Variants in NOD2 observed in about 807,000 individuals in gnomAD.
NOD2 encodes the protein nucleotide-binding oligomerization domain-containing protein 2.
In NOD2, 86 loss-of-function variants were observed where a neutral mutation model predicts 90.9. That is an observed-to-expected ratio of 0.95 (90% CI 0.79 to 1.13). The LOEUF (loss-of-function observed/expected upper bound fraction) is 1.13, where lower values mean the gene tolerates loss of function less well. NOD2 is among the 50% of genes most tolerant of loss of function. The probability of loss-of-function intolerance (pLI) is 0.00; values close to 1 mark genes in which losing one functional copy is unlikely to be tolerated. For missense variants in NOD2, 1,238 were observed against 1,283.8 expected (o/e 0.96, Z 0.55); for synonymous variants, 581 against 554.6 (o/e 1.05, Z -0.67).
chr16:50,702,872 T>C (rs1964004091), intron 2 of NOD2, among the ~76,000 whole-genome samples: 1 of 152,166 alleles, frequency 6.6e-6, no homozygotes, highest in Non-Finnish European at 1.5e-5. Flanking sequence ...CTGTCTGTCA[T>C]AAAATGTGGG....
intron 2 of NOD2, among the ~76,000 whole-genome samples, chr16:50,707,004 T>C (rs1336702769): frequency 6.6e-6 from 1 of 152,240 alleles, no homozygotes; most frequent in Non-Finnish European, 1.5e-5. Flanking sequence ...AGCCATATCT[T>C]GCTATTTTCT....
chr16:50,711,578 GGGGCCT>G lies in NOD2; in HGVS notation c.1591_1596del (p.Leu531_Gly532del), dbSNP rs104895436. ...CTGCACCTGGGCAGACTGGCTCTGT[GGGGCCT>G]GGGCATGTGCTGCTACGTGTTCTCA... On this transcript the variant is annotated inframe_deletion, in exon 4 of 12. Coordinates refer to ENST00000647318, the MANE Select transcript of NOD2 (RefSeq NM_001370466.1). The G allele has an allele frequency of 9.3e-6, 15 of 1,611,874 alleles. No individual in the cohort carries two copies. The highest frequency in any genetic ancestry group is 3.3e-5 in the South Asian group (3 of 91,084).
At chr16:50,716,484 T>C in intron 4 of NOD2, 103 bp from the exon 5 acceptor site, 2 of 1,131,456 alleles carry the variant, frequency 1.8e-6, no homozygotes, top group Admixed American at 2.0e-5. Context: ...GAAGCACAGA[T>C]GCTGGCACTT....
chr16:50,728,027 C>A, intron 10 of NOD2: 1 of 251,956 alleles, frequency 4.0e-6, no homozygotes, highest in South Asian at 4.7e-5. Flanking sequence ...AGAAATGGTT[C>A]GCTGTTGTTG....
chr16:50,708,019 T>G, intron 3 of NOD2, 59 bp downstream of exon 3: 1 of 1,185,024 alleles, frequency 8.4e-7, no homozygotes, highest in Non-Finnish European at 1.3e-6. Flanking sequence ...GATCCATGGT[T>G]AAGAGCAGAA....
intron 2 of NOD2, among the ~76,000 whole-genome samples, chr16:50,701,077 TA>T (rs1181617552): frequency 6.6e-6 from 1 of 152,238 alleles, no homozygotes; most frequent in African/African-American, 2.4e-5. Flanking sequence ...CCAAGGAAAG[TA>T]GTTTGAATAA....
At chr16:50,705,118 T>A (rs1225759759) in intron 2 of NOD2, among the ~76,000 whole-genome samples, 2 of 152,234 alleles carry the variant, frequency 1.3e-5, no homozygotes, top group African/African-American at 4.8e-5. Context: ...TTTGCTCTAC[T>A]TTTCTATGAT....
chr16:50,720,052 G>A, intron 7 of NOD2, 44 bp downstream of exon 7: 1 of 1,560,556 alleles, frequency 6.4e-7, no homozygotes, highest in Non-Finnish European at 8.8e-7. Context: ...GAGGGGCTTG[G>A]GACTTTTGAG....
intron 1 of NOD2, among the ~76,000 whole-genome samples, chr16:50,695,787 G>C (rs1004398596): frequency 1.1e-4 from 17 of 152,124 alleles, no homozygotes; most frequent in Non-Finnish European, 2.2e-4. Flanking sequence ...GAGCAAGCAG[G>C]CTGAGGGCTG....
rs1330190409 is a variant in NOD2, at chr16:50,729,667, A to C, written c.2886-151A>C. On this transcript the variant is annotated intron_variant, in intron 10 of 11. Transcript: ENST00000647318. ...TGATGGTACTGAGCCTTTGTTGATG[A>C]GCTCATTGGGAATCTCAGACATGAG... 3 of 655,948 alleles carry C rather than the reference A, an allele frequency of 4.6e-6. No individual in the cohort carries two copies. In the African/African-American group the frequency reaches 5.4e-5, roughly 12 times the overall value. The allele number at this position is 655,948 out of a possible 1,614,324, so 40.6% of individuals were successfully genotyped here.
At chr16:50,698,761 G>C (rs1255135410) in intron 1 of NOD2, among the ~76,000 whole-genome samples, 2 of 152,140 alleles carry the variant, frequency 1.3e-5, no homozygotes, top group Non-Finnish European at 2.9e-5. Context: ...AATTCCTGCA[G>C]GAGAGCACTT....
intron 1 of NOD2, chr16:50,697,429 G>A (rs1462629556): frequency 9.5e-7 from 1 of 1,056,294 alleles, no homozygotes; most frequent in Non-Finnish European, 1.4e-6. Context: ...CTCTGTTTCT[G>A]GGCTGTTTTC....
In NOD2 at chr16:50,699,950, A is replaced by T; in HGVS notation, c.455A>T (p.Gln152Leu). 1 of 1,604,080 alleles carries T rather than the reference A, an allele frequency of 6.2e-7. No homozygotes were observed. Among genetic ancestry groups the T allele is most frequent in the Non-Finnish European group, 8.5e-7 (1 of 1,178,948 alleles). Residue 152 changes from glutamine (Q) to leucine (L), a missense_variant, in exon 2 of 12, where the codon CAG (glutamine) becomes CTG (leucine). Around this residue, in one of 3 missense-constraint regions of NOD2, gnomAD observed 567 missense variants for 577.3 expected, o/e 0.98. Transcript: ENST00000647318. ...EIRLPIFTPS[Q>L]RARRLLDLAT... The stretch of plus-strand genomic sequence containing the variant: ...AGGTTGCCGATCTTCACACCGTCCC[A>T]GAGGGTGAGGCACTCCTGGTGTGCA...
chr16:50,697,279 G>A lies in NOD2; in HGVS notation c.-8-2209G>A, dbSNP rs149939201. The A allele has an allele frequency of 4.5e-6, 7 of 1,560,414 alleles. No homozygotes were observed. In the African/African-American group the frequency reaches 6.8e-5, roughly 15 times the overall value. On this transcript the variant is annotated intron_variant, in intron 1 of 11. Coordinates refer to ENST00000647318, the MANE Select transcript of NOD2 (RefSeq NM_001370466.1). ...AGGGTGGTTCAGCCTCTCACGATGA[G>A]GAGGAAAGAGCAAGTGTCCTCCTCG...
intron 1 of NOD2, chr16:50,697,482 C>T: frequency 1.4e-6 from 1 of 725,382 alleles, no homozygotes; most frequent in South Asian, 1.5e-5. Context: ...AGGACCTGGG[C>T]AGGGTCAATG....
chr16:50,715,179 GT>G (rs1296110342), intron 4 of NOD2, among the ~76,000 whole-genome samples: 1 of 152,194 alleles, frequency 6.6e-6, no homozygotes, highest in African/African-American at 2.4e-5. Context: ...TTTATGTGCC[GT>G]ACAACCTTGG....
chr16:50,723,468 T>C (rs1965159441), intron 9 of NOD2, 84 bp downstream of exon 9: 1 of 1,209,896 alleles, frequency 8.3e-7, no homozygotes, highest in Non-Finnish European at 1.2e-6. Context: ...AGCGGTTGTG[T>C]GGACAGACAA....
chr16:50,710,874 C>T lies in NOD2; in HGVS notation c.882C>T (p.Asp294=), dbSNP rs771364403. 3 of 1,614,140 alleles carry T rather than the reference C, an allele frequency of 1.9e-6. No individual in the cohort carries two copies. ...RLHLLWAAGQ[D]FQEFLFVFPF... Reference sequence around the variant, plus strand: ...ACTTGCTGTGGGCTGCAGGGCAAGACTTCCAGGAATTTCTCTTTGTCTTCC... The same window carrying T: ...ACTTGCTGTGGGCTGCAGGGCAAGATTTCCAGGAATTTCTCTTTGTCTTCC... Residue 294 remains aspartate (D), a synonymous_variant, in exon 4 of 12, where the codon GAC becomes GAT. Coordinates refer to ENST00000647318, the MANE Select transcript of NOD2 (RefSeq NM_001370466.1).
In NOD2 at chr16:50,711,672, T is replaced by G. The variant is rs1861759; in HGVS notation, c.1680T>G (p.Arg560=). The G allele has an allele frequency of 0.36, 585,239 of 1,612,716 alleles. 111,633 individuals are homozygous for G. Among genetic ancestry groups the G allele is most frequent in the Non-Finnish European group, 0.39 (460,621 of 1,179,538 alleles). ...PDDISLGFLV[R]AKGVVPGSTA... is the part of the protein sequence containing the mutation. Reference sequence around the variant, plus strand: ...ACATTTCTCTTGGCTTCCTGGTGCGTGCCAAAGGTGTCGTGCCAGGGAGTA... The same window carrying G: ...ACATTTCTCTTGGCTTCCTGGTGCGGGCCAAAGGTGTCGTGCCAGGGAGTA... Residue 560 remains arginine, a synonymous_variant, in exon 4 of 12, where the codon CGT becomes CGG. Transcript: ENST00000647318.
Sources: allele counts gnomAD v4.1 joint callset (sites outside exome capture counted in the v4.1 genomes callset), GRCh38; gene constraint gnomAD v4.1.1; regional missense constraint gnomAD v4.1.1; transcripts MANE v1.5; gene names NCBI Gene and HGNC (gene_info 2026-07-23, HGNC 2026-07-21).